The following KIF1A variants were observed in gnomAD, a reference collection of about 807,000 sequenced individuals.
KIF1A encodes the protein kinesin-like protein KIF1A.
Under a neutral mutation model 227.3 loss-of-function variants are expected in KIF1A, and 46 were observed. That is an observed-to-expected ratio of 0.20 (90% confidence interval 0.16 to 0.26). KIF1A has a LOEUF of 0.26. Ranked by LOEUF, KIF1A falls within the 10% of genes least tolerant of loss-of-function variation. KIF1A has a pLI of 1.00. For missense variants in KIF1A, 1,683 were observed against 2,485.9 expected (o/e 0.68, Z 6.87); for synonymous variants, 1,022 against 1,012.8 (o/e 1.01, Z -0.17).
At chr2:240,732,616 G>A (rs1394694518) in intron 38 of KIF1A, among the ~76,000 whole-genome samples, 1 of 119,352 alleles carries the variant, frequency 8.4e-6, no homozygotes, top group Non-Finnish European at 1.8e-5. Context: ...GAGGGAATGA[G>A]GGAGGGATGA....
Position 240,741,186 on chromosome 2 carries a change from C to T in KIF1A, c.3749+83G>A, listed in dbSNP as rs141647972. The T allele has an allele frequency of 0.011, 9,888 of 924,424 alleles. 76 individuals carry two copies. The highest frequency in any genetic ancestry group is 0.014 in the Non-Finnish European group (8,701 of 601,956). 57.3% of individuals were successfully genotyped at this position (924,424 alleles called of 1,614,324 possible). On this transcript the variant is annotated intron_variant, in intron 35 of 48. Coordinates refer to ENST00000498729, the MANE Select transcript of KIF1A (RefSeq NM_001244008.2). ...AGAACGACTCTGGATGCTGGCAACC[C>T]TCAGGCAGCTCAAGTCCTCGTCCCT...
intron 27 of KIF1A, among the ~76,000 whole-genome samples, chr2:240,754,803 A>T (rs1211772378): frequency 6.6e-6 from 1 of 151,950 alleles, no homozygotes; most frequent in Non-Finnish European, 1.5e-5. Context: ...CCATGCTACA[A>T]ATACCAAGAC....
At position 240,747,297 on chromosome 2, in the gene KIF1A, C is replaced by T; in HGVS notation, c.3002G>A (p.Gly1001Asp). 1 of 1,613,370 alleles carries T rather than the reference C, an allele frequency of 6.2e-7. No individual in the cohort carries two copies. Among genetic ancestry groups the T allele is most frequent in the Non-Finnish European group, 8.5e-7 (1 of 1,179,568 alleles). The change falls in exon 29 of 49, where the codon GGC becomes GAC. Residue 1001 changes from glycine to aspartate, a missense_variant. By Grantham distance (94) the Gly-to-Asp change is moderately conservative (BLOSUM62 -1). This residue lies in a region of KIF1A where 759 missense variants were observed against 1,020.2 expected (regional missense o/e 0.74). Transcript: ENST00000498729. ...AGTTCCCGACTGGCGGACGCCAGAGCCATAATCAGGGGCCTCTTCATCGGC... is the reference window on the plus strand; with the variant it reads ...AGTTCCCGACTGGCGGACGCCAGAGTCATAATCAGGGGCCTCTTCATCGGC... ...ISADEEAPDY[G>D]SGVRQSGTAK... is the part of the protein sequence containing the mutation.
chr2:240,784,818 G>A (rs573565426), intron 7 of KIF1A, among the ~76,000 whole-genome samples, 171 bp downstream of exon 7: 4 of 68,552 alleles, frequency 5.8e-5, no homozygotes, highest in Non-Finnish European at 1.2e-4. Context: ...CTCTGGGGCG[G>A]GGGGGGGGAC....
chr2:240,779,718 T>TCACTCAGTTCCTCACAGTTCCA (rs1201138785), intron 10 of KIF1A, among the ~76,000 whole-genome samples: 3 of 148,810 alleles, frequency 2.0e-5, no homozygotes, highest in South Asian at 2.1e-4. Context: ...TCACAGTTCC[T>TCACTCAGTTCCTCACAGTTCCA]CACTCAGTTC....
chr2:240,769,880 T>C (rs987490134), intron 15 of KIF1A, among the ~76,000 whole-genome samples, 174 bp from the exon 16 acceptor site: 1 of 152,102 alleles, frequency 6.6e-6, no homozygotes, highest in Non-Finnish European at 1.5e-5. Flanking sequence ...TGTCTGTCTT[T>C]CCCTTAGACA....
intron 5 of KIF1A, 28 bp from the exon 6 acceptor site, chr2:240,786,541 G>A (rs2054769989): frequency 6.2e-7 from 1 of 1,604,758 alleles, no homozygotes; most frequent in Non-Finnish European, 8.5e-7. Context: ...GCCATCAGGG[G>A]CCCCTGAGGC....
At chr2:240,747,110 G>A in intron 29 of KIF1A, 126 bp downstream of exon 29, 1 of 649,636 alleles carries the variant, frequency 1.5e-6, no homozygotes, top group Non-Finnish European at 2.8e-6. Flanking sequence ...TGGACCAGAG[G>A]GAAGAACCCC....
At position 240,760,762 on chromosome 2, in the gene KIF1A, C is replaced by A. The variant is rs1441080561; in HGVS notation, c.2347G>T (p.Asp783Tyr). The A allele has an allele frequency of 6.2e-7, 1 of 1,602,578 alleles. No homozygotes were observed. Among genetic ancestry groups the A allele is most frequent in the Non-Finnish European group, 8.5e-7 (1 of 1,175,138 alleles). ...CGGGGGAAGGGCCGCGTCTCTCGGT[C>A]TTTGGCGGCCTCTGGGGGCAGCAGG... ...PDLLPPEAAK[D>Y]RETRPFPRTI... Residue 783 changes from aspartate to tyrosine, a missense_variant, in exon 25 of 49, where the codon GAC becomes TAC. By Grantham distance (160) the Asp-to-Tyr change is radical. Coordinates refer to ENST00000498729, the MANE Select transcript of KIF1A (RefSeq NM_001244008.2).
chr2:240,765,808 G>A lies in KIF1A; in HGVS notation c.1685-15C>T. 1 of 1,606,014 alleles carries A rather than the reference G, an allele frequency of 6.2e-7. No individual in the cohort carries two copies. The highest frequency in any genetic ancestry group is 8.5e-7 in the Non-Finnish European group (1 of 1,173,048). On this transcript the variant is annotated splice_polypyrimidine_tract_variant and intron_variant, in intron 19 of 48. Coordinates refer to ENST00000498729, the MANE Select transcript of KIF1A (RefSeq NM_001244008.2). Reference sequence around the variant, plus strand: ...GGTCACCACAGCTACAGGAAAGGTGGGAGGGGCAGAGAGGAGGACTATGAG... The same window carrying A: ...GGTCACCACAGCTACAGGAAAGGTGAGAGGGGCAGAGAGGAGGACTATGAG...
chr2:240,777,323 C>T (rs1368897217), intron 10 of KIF1A, among the ~76,000 whole-genome samples: 2 of 152,202 alleles, frequency 1.3e-5, no homozygotes, highest in East Asian at 1.9e-4. Context: ...GGATTACAGG[C>T]GTGAGCCACC....
In KIF1A at chr2:240,793,732, C is replaced by T. The variant is rs183574767; in HGVS notation, c.106+3915G>A. Among the ~76,000 whole-genome samples the T allele has an allele frequency of 1.3e-4, 20 of 152,232 alleles. No individual in the cohort carries two copies. The highest frequency in any genetic ancestry group is 4.8e-4 in the African/African-American group (20 of 41,466). Reference sequence around the variant, plus strand: ...TATGCAGGTGATGATTACGGGATAACAGTTAAATTTACTTTCAAATGCTTC... The same window carrying T: ...TATGCAGGTGATGATTACGGGATAATAGTTAAATTTACTTTCAAATGCTTC... On this transcript the variant is annotated intron_variant, in intron 2 of 48. Coordinates refer to ENST00000498729, the MANE Select transcript of KIF1A (RefSeq NM_001244008.2). The surrounding 1 kb of genome is among the most constrained non-coding windows in gnomAD (Gnocchi z 4.8).
intron 33 of KIF1A, among the ~76,000 whole-genome samples, chr2:240,743,602 C>A (rs544176219): frequency 4.9e-4 from 75 of 152,158 alleles, no homozygotes; most frequent in Non-Finnish European, 9.3e-4. Context: ...AGCTGGGCCC[C>A]TTTCCTGGGG....
intron 14 of KIF1A, chr2:240,771,412 C>T (rs1483327679): frequency 4.6e-6 from 2 of 439,472 alleles, no homozygotes; most frequent in Non-Finnish European, 8.4e-6. Flanking sequence ...GCCCCCCAGG[C>T]CTGCCCTCCC....
chr2:240,788,026 C>A lies in KIF1A; in HGVS notation c.363+25G>T, dbSNP rs2055169329. ...GGTCCCGCCCCATCTGCCAGGGCTG[C>A]CCCCGCCCGCCCCCCGCTTCGTGCC... On this transcript the variant is annotated intron_variant, in intron 4 of 48. Transcript: ENST00000498729. The surrounding 1 kb of genome is among the most constrained non-coding windows in gnomAD (Gnocchi z 6.6). The A allele has an allele frequency of 6.8e-7, 1 of 1,460,074 alleles. No homozygotes were observed. The highest frequency in any genetic ancestry group is 9.4e-7 in the Non-Finnish European group (1 of 1,067,720). The allele number at this position is 1,460,074 out of a possible 1,614,324, so 90.4% of individuals were successfully genotyped here. A position where few individuals can be genotyped will look rare whatever the true frequency, so the allele number is the denominator to read the frequency against.
intron 38 of KIF1A, among the ~76,000 whole-genome samples, chr2:240,730,168 G>A (rs2046441947): frequency 6.6e-6 from 1 of 152,226 alleles, no homozygotes; most frequent in African/African-American, 2.4e-5. Flanking sequence ...TGAGATTAGA[G>A]GAGACAACAG....
At chr2:240,762,576 C>T in intron 23 of KIF1A, 143 bp downstream of exon 23, 1 of 1,220,740 alleles carries the variant, frequency 8.2e-7, no homozygotes, top group Non-Finnish European at 1.1e-6. Context: ...CTTCCCAGGG[C>T]AAGGAGGTCT....
At position 240,778,761 on chromosome 2, in the gene KIF1A, G is replaced by A. The variant is rs190897858; in HGVS notation, c.883-2835C>T. ...CACACGTCTCTGCAGCTTTCCTCAC[G>A]ATTCTGCGCACCGTTCCACACACGG... On this transcript the variant is annotated intron_variant, in intron 10 of 48. Transcript: ENST00000498729. The surrounding 1 kb of genome is among the most constrained non-coding windows in gnomAD (Gnocchi z 7.2). Among the ~76,000 whole-genome samples the A allele has an allele frequency of 2.6e-5, 4 of 151,108 alleles. No homozygotes were observed. The South Asian group carries it at 6.3e-4, about 24-fold the overall frequency.
chr2:240,721,198 C>A (rs905742170), intron 44 of KIF1A, among the ~76,000 whole-genome samples, 160 bp from the exon 45 acceptor site: 1 of 152,224 alleles, frequency 6.6e-6, no homozygotes, highest in Non-Finnish European at 1.5e-5. Context: ...CTCAAGACCC[C>A]CGGCCCCCTC....
Sources: allele counts gnomAD v4.1 joint callset (sites outside exome capture counted in the v4.1 genomes callset), GRCh38; gene constraint gnomAD v4.1.1; regional missense constraint gnomAD v4.1.1; non-coding constraint Gnocchi (gnomAD v3.1); transcripts MANE v1.5; gene names NCBI Gene and HGNC (gene_info 2026-07-23, HGNC 2026-07-21).